Variants in SLCO1B1 observed in about 807,000 individuals in gnomAD.
SLCO1B1 encodes the protein solute carrier organic anion transporter family member 1B1, also known as OATP-2.
SLCO1B1 carries 81 observed loss-of-function variants against 70.1 expected under a neutral mutation model. That is an observed-to-expected ratio of 1.16 (90% CI 0.97 to 1.39). SLCO1B1 has a LOEUF of 1.39. Ranked by LOEUF, SLCO1B1 falls within the 40% of genes most tolerant of loss-of-function variation. The pLI is 0.00. For missense variants in SLCO1B1, 895 were observed against 799.6 expected (o/e 1.12, Z -1.44); for synonymous variants, 283 against 271.5 (o/e 1.04, Z -0.42).
chr12:21,176,046 T>C (rs1414321828), intron 4 of SLCO1B1, among the ~76,000 whole-genome samples: 4 of 152,234 alleles, frequency 2.6e-5, no homozygotes, highest in African/African-American at 9.6e-5. Context: ...ATGTCTTCTC[T>C]GATCTATTCC....
intron 11 of SLCO1B1, among the ~76,000 whole-genome samples, chr12:21,211,432 G>A (rs986396484): frequency 6.6e-6 from 1 of 152,264 alleles, no homozygotes; most frequent in African/African-American, 2.4e-5. Context: ...TGGTGGATAA[G>A]CTTTTGGATG....
rs1940894933 is a variant in SLCO1B1, at chr12:21,181,346, G to T, written c.727+2326G>T. 2.0e-5 allele frequency among the ~76,000 whole-genome samples: 3 copies of T among 152,172 alleles called. No homozygotes were observed. In the South Asian group the frequency reaches 6.2e-4, roughly 32 times the overall value. ...GAACAGTGAAAGAACAGAAAAAAAA[G>T]TCATCAAAATTACATTTGTCACAGG... On this transcript the variant is annotated intron_variant, in intron 7 of 14. Transcript: ENST00000256958.
intron 9 of SLCO1B1, 150 bp downstream of exon 9, chr12:21,200,822 C>T: frequency 1.5e-6 from 1 of 647,574 alleles, no homozygotes; most frequent in Non-Finnish European, 2.5e-6. Context: ...TGTTATTAAA[C>T]ATATAAAACT....
chr12:21,173,407 A>AT (rs1007344811), intron 3 of SLCO1B1, among the ~76,000 whole-genome samples: 5 of 151,506 alleles, frequency 3.3e-5, no homozygotes, highest in African/African-American at 1.2e-4. Flanking sequence ...TTCTCTTTAA[A>AT]TTTTTTTCTT....
intron 3 of SLCO1B1, among the ~76,000 whole-genome samples, chr12:21,174,002 C>G (rs542406252): frequency 6.9e-4 from 105 of 152,116 alleles, no homozygotes; most frequent in African/African-American, 2.5e-3. Context: ...CGTGATCCAC[C>G]CACCTCAGCC....
intron 1 of SLCO1B1, among the ~76,000 whole-genome samples, chr12:21,131,871 T>C (rs556297358): frequency 6.6e-6 from 1 of 152,290 alleles, no homozygotes; most frequent in Admixed American, 6.5e-5. Context: ...AGTTTTAGGG[T>C]ACATGTGCAC....
chr12:21,214,698 T>G (rs548621795), intron 11 of SLCO1B1, among the ~76,000 whole-genome samples: 1 of 152,032 alleles, frequency 6.6e-6, no homozygotes, highest in South Asian at 2.1e-4. Context: ...CAGACTGCTG[T>G]GCTAGCAATC....
At chr12:21,237,465 C>T (rs149216117) in intron 14 of SLCO1B1, among the ~76,000 whole-genome samples, 6 of 152,206 alleles carry the variant, frequency 3.9e-5, no homozygotes, top group African/African-American at 1.2e-4. Context: ...ATTTTCTCCC[C>T]TATAGATAAA....
chr12:21,158,909 T>C (rs1940576401), intron 2 of SLCO1B1, among the ~76,000 whole-genome samples: 1 of 152,104 alleles, frequency 6.6e-6, no homozygotes, highest in Admixed American at 6.6e-5. Flanking sequence ...TATGAGAAAA[T>C]AATGTTCTTC....
At chr12:21,141,219 C>A (rs950418384) in intron 1 of SLCO1B1, among the ~76,000 whole-genome samples, 11 of 151,766 alleles carry the variant, frequency 7.2e-5, no homozygotes, top group Non-Finnish European at 1.3e-4. Context: ...ATTTAAATTT[C>A]TATAATTTAA....
chr12:21,239,087 A>C lies in SLCO1B1; in HGVS notation c.1974A>C (p.Ala658=). 6.2e-7 allele frequency: 1 copy of C among 1,604,968 alleles called. No homozygotes were observed. Among genetic ancestry groups the C allele is most frequent in the Non-Finnish European group, 8.5e-7 (1 of 1,172,198 alleles). Residue 658 remains alanine, a synonymous_variant, in exon 15 of 15, where the codon GCA becomes GCC. Coordinates refer to ENST00000256958, the MANE Select transcript of SLCO1B1 (RefSeq NM_006446.5). ...KKKYQEKDIN[A]SENGSVMDEA... ...AATATCAAGAGAAAGATATCAATGC[A>C]TCAGAAAATGGAAGTGTCATGGATG...
intron 4 of SLCO1B1, among the ~76,000 whole-genome samples, chr12:21,174,952 T>C (rs1940801304): frequency 2.6e-5 from 4 of 152,188 alleles, no homozygotes; most frequent in Admixed American, 2.6e-4. Context: ...AATAGGCTTT[T>C]TATGAATTTT....
chr12:21,148,975 C>A (rs1229090010), intron 2 of SLCO1B1, among the ~76,000 whole-genome samples: 1 of 152,082 alleles, frequency 6.6e-6, no homozygotes, highest in Non-Finnish European at 1.5e-5. Flanking sequence ...ATTTTATTCT[C>A]ATTGTAGCAA....
At chr12:21,227,270 G>A (rs189257287) in intron 14 of SLCO1B1, among the ~76,000 whole-genome samples, 2 of 151,358 alleles carry the variant, frequency 1.3e-5, no homozygotes, top group Admixed American at 6.6e-5. Context: ...CTTGAAAAAA[G>A]AAGAAAAAAT....
chr12:21,212,925 T>G (rs1941305833), intron 11 of SLCO1B1, among the ~76,000 whole-genome samples: 1 of 152,078 alleles, frequency 6.6e-6, no homozygotes, highest in Admixed American at 6.6e-5. Context: ...TGGTAGATCT[T>G]CCTCCATCCT....
At chr12:21,183,168 C>A (rs766193355) in intron 7 of SLCO1B1, among the ~76,000 whole-genome samples, 1 of 152,192 alleles carries the variant, frequency 6.6e-6, no homozygotes, top group Non-Finnish European at 1.5e-5. Flanking sequence ...TCTTAAGCAC[C>A]ATTTACTGGA....
chr12:21,137,455 G>C (rs11045783), intron 1 of SLCO1B1, among the ~76,000 whole-genome samples: 2 of 152,144 alleles, frequency 1.3e-5, no homozygotes, highest in Non-Finnish European at 2.9e-5. Context: ...GCAGGCAGGT[G>C]TCCTTGAGCT....
At chr12:21,177,534 A>C (rs1419915046) in intron 5 of SLCO1B1, among the ~76,000 whole-genome samples, 1 of 152,136 alleles carries the variant, frequency 6.6e-6, no homozygotes, top group African/African-American at 2.4e-5. Context: ...AAATACATAG[A>C]GACGAGGTAG....
chr12:21,226,644 A>G (rs1428261494), intron 14 of SLCO1B1, among the ~76,000 whole-genome samples: 2 of 152,140 alleles, frequency 1.3e-5, no homozygotes, highest in Non-Finnish European at 2.9e-5. Flanking sequence ...GATGTTATGT[A>G]TTTGTCAAAC....
Sources: gnomAD v4.1 joint callset for allele counts (sites outside exome capture counted in the v4.1 genomes callset) on GRCh38, gnomAD v4.1.1 for gene constraint, MANE v1.5 for transcripts, NCBI Gene and HGNC (gene_info 2026-07-23, HGNC 2026-07-21) for gene names.